SLC22A24: variants seen among roughly 807,000 people sequenced by gnomAD.
SLC22A24 encodes steroid transmembrane transporter SLC22A24.
In SLC22A24, 53 loss-of-function variants were observed where a neutral mutation model predicts 49.8. That is an observed-to-expected ratio of 1.06 (90% CI 0.85 to 1.34). The LOEUF (loss-of-function observed/expected upper bound fraction) is 1.34, where lower values mean the gene tolerates loss of function less well. Ranked by LOEUF, SLC22A24 falls within the 40% of genes most tolerant of loss-of-function variation. The pLI, the probability that SLC22A24 is intolerant of heterozygous loss-of-function variation, is 0.00. For synonymous variants in SLC22A24, 302 were observed against 256.4 expected, an observed-to-expected ratio of 1.18 and a Z score of -1.70; for missense variants, 786 against 675.9, an observed-to-expected ratio of 1.16 and a Z score of -1.81.
chr11:63,113,922 C>T (rs945114239), intron 4 of SLC22A24, among the ~76,000 whole-genome samples: 31 of 151,506 alleles, frequency 2.0e-4, no homozygotes, highest in South Asian at 4.2e-4. Flanking sequence ...GGGTTTCTGC[C>T]GAGAGATCTG....
chr11:63,125,010 G>A (rs988241702), intron 2 of SLC22A24, among the ~76,000 whole-genome samples: 11 of 151,722 alleles, frequency 7.3e-5, no homozygotes, highest in Non-Finnish European at 1.2e-4. Flanking sequence ...GCTAAATGAC[G>A]AGTTAATGGG....
chr11:63,114,514 T>C (rs1187190392), intron 4 of SLC22A24, among the ~76,000 whole-genome samples: 1 of 152,186 alleles, frequency 6.6e-6, no homozygotes. Context: ...CTCCTTTAGC[T>C]CGGAGAAGTT....
At chr11:63,132,867 G>A (rs1315629733) in intron 2 of SLC22A24, among the ~76,000 whole-genome samples, 2 of 152,232 alleles carry the variant, frequency 1.3e-5, no homozygotes, top group South Asian at 2.1e-4. Context: ...TAAGTCTGCA[G>A]AAGCTGTCTG....
intron 4 of SLC22A24, among the ~76,000 whole-genome samples, chr11:63,112,005 C>A (rs1296868046): frequency 6.6e-6 from 1 of 151,928 alleles, no homozygotes; most frequent in Non-Finnish European, 1.5e-5. Flanking sequence ...AAATTTCCCT[C>A]TACACACTGC....
intron 6 of SLC22A24, among the ~76,000 whole-genome samples, chr11:63,084,909 G>A (rs1483710086): frequency 6.6e-6 from 1 of 151,528 alleles, no homozygotes; most frequent in Non-Finnish European, 1.5e-5. Flanking sequence ...TTACTAAGAT[G>A]AGGCTATTCT....
intron 4 of SLC22A24, among the ~76,000 whole-genome samples, chr11:63,113,567 A>G (rs2087190468): frequency 6.6e-6 from 1 of 151,974 alleles, no homozygotes; most frequent in African/African-American, 2.4e-5. Context: ...TTCTTTAAGA[A>G]TGTTGAGGCC....
chr11:63,141,934 CT>C (rs2087418077), intron 1 of SLC22A24, among the ~76,000 whole-genome samples: 2 of 151,732 alleles, frequency 1.3e-5, no homozygotes, highest in Admixed American at 6.6e-5. Context: ...CTATATTACA[CT>C]TTTGTTAGCT....
At chr11:63,101,322 T>C (rs1443488807) in intron 5 of SLC22A24, among the ~76,000 whole-genome samples, 1 of 151,990 alleles carries the variant, frequency 6.6e-6, no homozygotes, top group Non-Finnish European at 1.5e-5. Flanking sequence ...TTTTTTAAAT[T>C]ACACTAGGTA....
chr11:63,081,599 A>G lies in SLC22A24; in HGVS notation c.1353T>C (p.Ser451=). Residue 451 remains serine, a synonymous_variant, in exon 8 of 10, where the codon AGT becomes AGC. Coordinates refer to ENST00000612278, the MANE Select transcript of SLC22A24 (RefSeq NM_001136506.2). ...CGAGCTCGTTGTGGTGGACAGAAGC[A>G]CTGTTGCTAGCAGCAGAAACACTAC... ...GIGSVSAASN[S]ASVHHNELVP... is the part of the protein sequence containing the mutation. 6.4e-7 allele frequency: 1 copy of G among 1,551,616 alleles called. No individual in the cohort carries two copies. Among genetic ancestry groups the G allele is most frequent in the Non-Finnish European group, 8.7e-7 (1 of 1,146,910 alleles).
rs116243241 is a variant in SLC22A24 at position 63,093,694 on chromosome 11, T to A, written c.1070+2297A>T. Among the ~76,000 whole-genome samples, 1,049 of 151,972 alleles carry A rather than the reference T, an allele frequency of 6.9e-3. 11 individuals are homozygous for A. Among genetic ancestry groups the A allele is most frequent in the African/African-American group, 0.024 (980 of 41,470 alleles). ...ACAATAGACACTGGGGCCTACCTAA[T>A]TGGGGAAGGTGGGAGGAGGGAGAGG... On this transcript the variant is annotated intron_variant, in intron 6 of 9. Coordinates refer to ENST00000612278, the MANE Select transcript of SLC22A24 (RefSeq NM_001136506.2).
At chr11:63,119,755 C>T (rs542046890) in intron 2 of SLC22A24, among the ~76,000 whole-genome samples, 2 of 152,154 alleles carry the variant, frequency 1.3e-5, no homozygotes, top group Non-Finnish European at 2.9e-5. Context: ...AAAAGCTAAA[C>T]TTATTTGAAA....
Position 63,079,972 on chromosome 11 carries a change from C to T in SLC22A24, c.1627G>A (p.Glu543Lys), listed in dbSNP as rs765821570. ...DRKDSRNIKQ[E>K]DTCMKVTQF ...TGTGTTACTTTCATGCAAGTATCTT[C>T]CTGCTTTATGTTTCTTGAATCTTTT... Residue 543 changes from glutamate to lysine, a missense_variant, in exon 10 of 10, where the codon GAA (glutamate) becomes AAA (lysine). Transcript: ENST00000612278. The T allele has an allele frequency of 4.5e-6, 7 of 1,546,720 alleles. No homozygotes were observed. Among genetic ancestry groups the T allele is most frequent in the South Asian group, 2.4e-5 (2 of 83,920 alleles).
intron 4 of SLC22A24, among the ~76,000 whole-genome samples, chr11:63,110,255 G>A (rs562432507): frequency 1.3e-5 from 2 of 152,124 alleles, no homozygotes; most frequent in Admixed American, 1.3e-4. Flanking sequence ...CTGTAGTCTT[G>A]TAGTATAGTT....
chr11:63,143,398 G>C lies in SLC22A24; in HGVS notation c.382C>G (p.Leu128Val), dbSNP rs1270595699. 5 of 1,482,112 alleles carry C rather than the reference G, an allele frequency of 3.4e-6. No homozygotes were observed. Among genetic ancestry groups the C allele is most frequent in the Non-Finnish European group, 4.5e-6 (5 of 1,117,020 alleles). The allele number at this position is 1,482,112 out of a possible 1,614,324, so 91.8% of individuals were successfully genotyped here. The change falls in exon 1 of 10, where the codon CTC becomes GTC. Residue 128 changes from leucine to valine, a missense_variant. Coordinates refer to ENST00000612278, the MANE Select transcript of SLC22A24 (RefSeq NM_001136506.2). Reference protein sequence around the residue: ...DGWVYDRSSFLSTIVTEWDLV... With the variant: ...DGWVYDRSSFVSTIVTEWDLV... Reference sequence around the variant, plus strand: ...CTTACCTCAGTCACGATGGTGGAGAGGAAAGAGCTTCTGTCGTACACCCAG... The same window carrying C: ...CTTACCTCAGTCACGATGGTGGAGACGAAAGAGCTTCTGTCGTACACCCAG...
At position 63,143,611 on chromosome 11, in the gene SLC22A24, C is replaced by A; in HGVS notation, c.169G>T (p.Asp57Tyr). ...CCGGTATCATTGTCAGACACAGTGTCATTGTCCAGGAGGGGGACCCAGCAG... is the reference window on the plus strand; with the variant it reads ...CCGGTATCATTGTCAGACACAGTGTAATTGTCCAGGAGGGGGACCCAGCAG... ...HRCWVPLLDN[D>Y]TVSDNDTGTL... Residue 57 changes from aspartate (D) to tyrosine (Y), a missense_variant, in exon 1 of 10, where the codon GAC becomes TAC. Physicochemically the swap from Asp to Tyr is radical, Grantham distance 160. Coordinates refer to ENST00000612278, the MANE Select transcript of SLC22A24 (RefSeq NM_001136506.2). 1 of 1,577,996 alleles carries A rather than the reference C, an allele frequency of 6.3e-7. No individual in the cohort carries two copies. Among genetic ancestry groups the A allele is most frequent in the Non-Finnish European group, 8.6e-7 (1 of 1,163,320 alleles).
intron 5 of SLC22A24, among the ~76,000 whole-genome samples, chr11:63,102,435 A>C (rs1042446560): frequency 6.6e-6 from 1 of 152,116 alleles, no homozygotes; most frequent in African/African-American, 2.4e-5. Context: ...CTGGTCTGTC[A>C]CCCATCTCAG....
intron 4 of SLC22A24, among the ~76,000 whole-genome samples, chr11:63,110,864 G>A (rs2087158010): frequency 7.0e-6 from 1 of 143,452 alleles, no homozygotes; most frequent in Admixed American, 7.1e-5. Flanking sequence ...TAATTGCCCT[G>A]GCCAGAACTT....
At chr11:63,129,325 A>G (rs1189246807) in intron 2 of SLC22A24, among the ~76,000 whole-genome samples, 1 of 151,678 alleles carries the variant, frequency 6.6e-6, no homozygotes, top group African/African-American at 2.4e-5. Context: ...ATTCTGTTCC[A>G]TCGGTCTATA....
chr11:63,119,205 T>C lies in SLC22A24; in HGVS notation c.637A>G (p.Ile213Val), dbSNP rs913548653. ...CTGAGAATAAAAGTGTTTCCCAAAA[T>C]AGTCATGGTGGAGAACCCTGCCAAG... is the stretch of plus-strand genomic sequence containing the variant. ...RFLAGFSTMT[I>V]LGNTFILSLE... Residue 213 changes from isoleucine to valine, a missense_variant, in exon 3 of 10, where the codon ATT becomes GTT. By Grantham distance (29) the Ile-to-Val change is conservative. Coordinates refer to ENST00000612278, the MANE Select transcript of SLC22A24 (RefSeq NM_001136506.2). The C allele has an allele frequency of 3.9e-6, 6 of 1,545,536 alleles. No homozygotes were observed. The highest frequency in any genetic ancestry group is 3.5e-6 in the Non-Finnish European group (4 of 1,145,148).
Sources: allele counts gnomAD v4.1 joint callset (sites outside exome capture counted in the v4.1 genomes callset), GRCh38; gene constraint gnomAD v4.1.1; transcripts MANE v1.5; gene names NCBI Gene and HGNC (gene_info 2026-07-23, HGNC 2026-07-21).